XKR6: variants seen among roughly 807,000 people sequenced by gnomAD.
The protein encoded by XKR6 is XK related 6.
In XKR6, 22 loss-of-function variants were observed where a neutral mutation model predicts 56.7. That is an observed-to-expected ratio of 0.39 (90% CI 0.28 to 0.55). The LOEUF is 0.55. XKR6 is among the 20% of genes least tolerant of loss of function. The pLI, the probability that XKR6 is intolerant of heterozygous loss-of-function variation, is 0.66. For synonymous variants in XKR6, 524 were observed against 387.8 expected (o/e 1.35, Z -4.13); for missense variants, 852 against 889.0 (o/e 0.96, Z 0.53).
intron 1 of XKR6, among the ~76,000 whole-genome samples, chr8:11,072,883 C>T (rs1293744518): frequency 1.3e-5 from 2 of 152,174 alleles, no homozygotes; most frequent in Admixed American, 6.5e-5. Flanking sequence ...AACCCCATCT[C>T]TACTAAAAAT....
At chr8:11,173,160 C>T (rs1175962502) in intron 1 of XKR6, among the ~76,000 whole-genome samples, 1 of 150,922 alleles carries the variant, frequency 6.6e-6, no homozygotes, top group African/African-American at 2.4e-5. Flanking sequence ...ACGGTGAAAC[C>T]CCGTCTCCAC....
chr8:11,042,791 GA>G (rs1024563994), intron 1 of XKR6, among the ~76,000 whole-genome samples: 1 of 147,430 alleles, frequency 6.8e-6, no homozygotes, highest in African/African-American at 2.7e-5. Flanking sequence ...GTGCTACCTG[GA>G]CTAACATTTG....
At chr8:10,920,761 G>A (rs545856280) in intron 2 of XKR6, among the ~76,000 whole-genome samples, 17 of 152,302 alleles carry the variant, frequency 1.1e-4, no homozygotes, top group South Asian at 2.1e-4. Flanking sequence ...CTTCCTTCCC[G>A]TAAACCCAGC....
Position 10,897,874 on chromosome 8 carries a change from G to T in XKR6, c.*78C>A. 6.7e-7 allele frequency: 1 copy of T among 1,500,452 alleles called. No homozygotes were observed. The highest frequency in any genetic ancestry group is 1.4e-5 in the South Asian group (1 of 73,328). 92.9% of individuals were successfully genotyped at this position (1,500,452 alleles called of 1,614,324 possible). A position where few individuals can be genotyped will look rare whatever the true frequency, so the allele number is the denominator to read the frequency against. On this transcript the variant is annotated 3_prime_UTR_variant, in exon 3 of 3. Coordinates refer to ENST00000416569, the MANE Select transcript of XKR6 (RefSeq NM_173683.4). ...CGGTGGTTCTGTGTATTGGGGGAAGGGAGGGTTATATTTCTTGCAAGTGCT... is the reference window on the plus strand; with the variant it reads ...CGGTGGTTCTGTGTATTGGGGGAAGTGAGGGTTATATTTCTTGCAAGTGCT...
At chr8:11,048,678 T>TC (rs1488320371) in intron 1 of XKR6, among the ~76,000 whole-genome samples, 3 of 152,028 alleles carry the variant, frequency 2.0e-5, no homozygotes, top group Non-Finnish European at 4.4e-5. Context: ...GGAGGCTGAG[T>TC]CCCCTTCCTG....
At chr8:10,946,257 G>T (rs1586338724) in intron 1 of XKR6, among the ~76,000 whole-genome samples, 1 of 152,062 alleles carries the variant, frequency 6.6e-6, no homozygotes, top group Admixed American at 6.5e-5. Flanking sequence ...AACACGAATA[G>T]CCGATCCAAG....
intron 1 of XKR6, among the ~76,000 whole-genome samples, chr8:11,097,807 CAAA>C (rs1196874380): frequency 0.013 from 806 of 62,920 alleles, 7 homozygotes; most frequent in African/African-American, 0.045. Flanking sequence ...GACTCCATCT[CAAA>C]AAAAAAAAAA....
At chr8:10,927,434 C>T (rs1017293738) in intron 1 of XKR6, among the ~76,000 whole-genome samples, 4 of 152,134 alleles carry the variant, frequency 2.6e-5, no homozygotes, top group Admixed American at 6.5e-5. Context: ...GGCCCCAGAC[C>T]GCAAACCTAA....
intron 1 of XKR6, among the ~76,000 whole-genome samples, chr8:11,051,452 A>C (rs935242333): frequency 2.6e-5 from 4 of 152,072 alleles, no homozygotes; most frequent in African/African-American, 9.7e-5. Context: ...CCAAATTCAA[A>C]ACTGAACTCC....
At chr8:11,118,729 A>G (rs1354532247) in intron 1 of XKR6, among the ~76,000 whole-genome samples, 1 of 152,042 alleles carries the variant, frequency 6.6e-6, no homozygotes, top group Non-Finnish European at 1.5e-5. Flanking sequence ...CTAGTGGTCT[A>G]TCAATTTGGC....
intron 1 of XKR6, among the ~76,000 whole-genome samples, chr8:11,088,688 A>T (rs1797972258): frequency 6.6e-6 from 1 of 152,228 alleles, no homozygotes; most frequent in African/African-American, 2.4e-5. Flanking sequence ...CTGTAATCTT[A>T]ACACTGATTT....
intron 2 of XKR6, among the ~76,000 whole-genome samples, chr8:10,903,684 C>G (rs927266889): frequency 4.9e-4 from 75 of 152,102 alleles, no homozygotes; most frequent in Non-Finnish European, 9.7e-4. Context: ...GGTACACACA[C>G]AGGGGGATGA....
At chr8:10,965,357 C>A (rs897653169) in intron 1 of XKR6, among the ~76,000 whole-genome samples, 6 of 152,212 alleles carry the variant, frequency 3.9e-5, no homozygotes, top group Non-Finnish European at 5.9e-5. Flanking sequence ...CCGAGCACCA[C>A]GGTCCCCCAG....
intron 1 of XKR6, among the ~76,000 whole-genome samples, chr8:10,985,300 G>C (rs967679056): frequency 5.3e-5 from 8 of 152,136 alleles, no homozygotes; most frequent in Admixed American, 2.6e-4. Context: ...GAGATCTGAT[G>C]GTTTTATAAA....
chr8:10,973,815 G>T (rs1054044742), intron 1 of XKR6, among the ~76,000 whole-genome samples: 1 of 152,156 alleles, frequency 6.6e-6, no homozygotes, highest in Non-Finnish European at 1.5e-5. Context: ...GAACTCATGA[G>T]CTCAAGCAAT....
intron 1 of XKR6, among the ~76,000 whole-genome samples, chr8:10,926,807 C>T (rs745604435): frequency 6.6e-5 from 10 of 152,216 alleles, no homozygotes; most frequent in Non-Finnish European, 1.3e-4. Context: ...GCTCTGGGCC[C>T]CTGCCCGTGA....
chr8:11,075,157 C>A (rs991858006), intron 1 of XKR6, among the ~76,000 whole-genome samples: 1 of 152,158 alleles, frequency 6.6e-6, no homozygotes, highest in African/African-American at 2.4e-5. Flanking sequence ...AGGAACCCTG[C>A]CATGGCTTGA....
chr8:11,139,797 A>G (rs1041555433), intron 1 of XKR6, among the ~76,000 whole-genome samples: 2 of 152,234 alleles, frequency 1.3e-5, no homozygotes, highest in Non-Finnish European at 2.9e-5. Flanking sequence ...CTAGCGTCAC[A>G]TACAAACAAG....
intron 1 of XKR6, among the ~76,000 whole-genome samples, chr8:11,117,964 G>T (rs186404366): frequency 7.2e-5 from 11 of 152,262 alleles, no homozygotes; most frequent in Admixed American, 6.5e-4. Context: ...AATACCGAGA[G>T]TGTGGGGGAC....
Sources: allele counts gnomAD v4.1 joint callset (sites outside exome capture counted in the v4.1 genomes callset), GRCh38; gene constraint gnomAD v4.1.1; transcripts MANE v1.5; gene names NCBI Gene and HGNC (gene_info 2026-07-23, HGNC 2026-07-21).